The following L3MBTL4 variants were observed in gnomAD, a reference collection of about 807,000 sequenced individuals.
L3MBTL4 encodes L3MBTL histone methyl-lysine binding protein 4.
Under a neutral mutation model 84.5 loss-of-function variants are expected in L3MBTL4, and 70 were observed. That is an observed-to-expected ratio of 0.83 (90% CI 0.68 to 1.01). L3MBTL4 has a LOEUF of 1.01. L3MBTL4 is among the 50% of genes least tolerant of loss of function. The pLI is 0.00. For synonymous variants in L3MBTL4, 274 were observed against 259.8 expected, an observed-to-expected ratio of 1.05 and a Z score of -0.52; for missense variants, 715 against 754.8, an observed-to-expected ratio of 0.95 and a Z score of 0.62.
At chr18:6,154,702 T>C (rs2043031237) in intron 13 of L3MBTL4, among the ~76,000 whole-genome samples, 1 of 152,192 alleles carries the variant, frequency 6.6e-6, no homozygotes, top group Non-Finnish European at 1.5e-5. Flanking sequence ...TCCACTCTGG[T>C]GGGCTTACTG....
intron 18 of L3MBTL4, among the ~76,000 whole-genome samples, chr18:5,957,463 G>A (rs1315749227): frequency 2.0e-5 from 3 of 151,806 alleles, no homozygotes; most frequent in Non-Finnish European, 4.4e-5. Context: ...TGGCCACCGT[G>A]TAGGCTGCTT....
intron 1 of L3MBTL4, chr18:6,395,697 T>G (rs936555073): frequency 2.0e-5 from 3 of 152,178 alleles, no homozygotes; most frequent in African/African-American, 7.2e-5. Context: ...AATTAAACAC[T>G]GCAAAAATGG....
intron 16 of L3MBTL4, among the ~76,000 whole-genome samples, chr18:6,034,234 T>C (rs1345271578): frequency 6.6e-6 from 1 of 152,146 alleles, no homozygotes; most frequent in Admixed American, 6.6e-5. Context: ...GCCATGCTGG[T>C]GCGCTGCACC....
intron 16 of L3MBTL4, among the ~76,000 whole-genome samples, chr18:6,070,623 C>T (rs1380158072): frequency 6.6e-6 from 1 of 151,378 alleles, no homozygotes; most frequent in Non-Finnish European, 1.5e-5. Context: ...TTGAGAAAAG[C>T]CTGAGCAACA....
intron 14 of L3MBTL4, among the ~76,000 whole-genome samples, chr18:6,097,677 G>A (rs1290839468): frequency 6.6e-6 from 1 of 152,184 alleles, no homozygotes; most frequent in Non-Finnish European, 1.5e-5. Context: ...CCGGTCTGAT[G>A]TCTGTGCAAA....
chr18:6,252,320 A>G (rs1430826047), intron 5 of L3MBTL4, among the ~76,000 whole-genome samples: 1 of 152,206 alleles, frequency 6.6e-6, no homozygotes, highest in Non-Finnish European at 1.5e-5. Flanking sequence ...CTCAGAAAAA[A>G]GAAAAAAGCA....
intron 1 of L3MBTL4, among the ~76,000 whole-genome samples, chr18:6,332,707 G>C (rs578058005): frequency 1.3e-5 from 2 of 152,382 alleles, no homozygotes; most frequent in African/African-American, 4.8e-5. Flanking sequence ...GTGGAACCAA[G>C]TGTTGGGAGT....
chr18:6,229,601 A>G (rs1368748235), intron 10 of L3MBTL4, among the ~76,000 whole-genome samples: 1 of 152,158 alleles, frequency 6.6e-6, no homozygotes, highest in Non-Finnish European at 1.5e-5. Flanking sequence ...AAGAACTTCA[A>G]TAGTTTTAGT....
intron 17 of L3MBTL4, among the ~76,000 whole-genome samples, chr18:5,964,581 C>T (rs1483985555): frequency 6.6e-6 from 1 of 152,044 alleles, no homozygotes; most frequent in East Asian, 1.9e-4. Flanking sequence ...TTTTTCAAAT[C>T]ACCCCTTCCT....
At chr18:6,146,529 G>C (rs2042661863) in intron 13 of L3MBTL4, among the ~76,000 whole-genome samples, 1 of 152,250 alleles carries the variant, frequency 6.6e-6, no homozygotes, top group African/African-American at 2.4e-5. Context: ...TTCGCAAAGT[G>C]CCAGGCTGCC....
chr18:6,032,257 A>T lies in L3MBTL4; in HGVS notation c.1444+48624T>A, dbSNP rs111748585. ...CTCCCAAAGTGCTGGGATTACAGGC[A>T]TGAGCCACCGCACTCGGCCTTAAAT... On this transcript the variant is annotated intron_variant, in intron 16 of 18. Coordinates refer to ENST00000317931, the MANE Select transcript of L3MBTL4 (RefSeq NM_001330559.2). 3.7e-3 allele frequency: 3,465 copies of T among 937,760 alleles called. 99 individuals are homozygous for T. In the African/African-American group the frequency reaches 0.057, roughly 15 times the overall value. The allele number at this position is 937,760 out of a possible 1,614,324, so 58.1% of individuals were successfully genotyped here.
chr18:6,000,227 A>T (rs1326907951), intron 16 of L3MBTL4, among the ~76,000 whole-genome samples: 2 of 152,224 alleles, frequency 1.3e-5, no homozygotes, highest in Admixed American at 1.3e-4. Context: ...CACTGAGGAG[A>T]TGAAAGAGTG....
At chr18:5,981,845 C>T (rs2053235800) in intron 16 of L3MBTL4, among the ~76,000 whole-genome samples, 1 of 151,858 alleles carries the variant, frequency 6.6e-6, no homozygotes, top group South Asian at 2.1e-4. Flanking sequence ...TTCCAAGTCA[C>T]ACAAAAGCTA....
At chr18:6,117,271 T>C (rs988248896) in intron 14 of L3MBTL4, among the ~76,000 whole-genome samples, 2 of 152,190 alleles carry the variant, frequency 1.3e-5, no homozygotes, top group African/African-American at 4.8e-5. Context: ...CTTGGTTTTG[T>C]CCTGCCAGGA....
intron 16 of L3MBTL4, among the ~76,000 whole-genome samples, chr18:6,019,949 G>A (rs1422319001): frequency 6.6e-6 from 1 of 152,146 alleles, no homozygotes; most frequent in Non-Finnish European, 1.5e-5. Context: ...GTCCATCTCT[G>A]CGTTCCCAGG....
At chr18:6,174,618 C>A (rs2044137947) in intron 12 of L3MBTL4, among the ~76,000 whole-genome samples, 1 of 151,804 alleles carries the variant, frequency 6.6e-6, no homozygotes, top group Non-Finnish European at 1.5e-5. Flanking sequence ...ACCTATAATC[C>A]CAGCACTTTG....
At chr18:5,965,938 C>T (rs1306346789) in intron 17 of L3MBTL4, among the ~76,000 whole-genome samples, 1 of 152,204 alleles carries the variant, frequency 6.6e-6, no homozygotes, top group Non-Finnish European at 1.5e-5. Context: ...ATGCGAGGCA[C>T]TTAGACTTTC....
intron 4 of L3MBTL4, among the ~76,000 whole-genome samples, chr18:6,287,090 T>C (rs2049628346): frequency 6.6e-6 from 1 of 152,188 alleles, no homozygotes; most frequent in Non-Finnish European, 1.5e-5. Context: ...TAGTCAGTGC[T>C]TGCATTTTAA....
intron 16 of L3MBTL4, among the ~76,000 whole-genome samples, chr18:6,075,131 C>T (rs1401411423): frequency 6.6e-6 from 1 of 151,956 alleles, no homozygotes; most frequent in East Asian, 1.9e-4. Context: ...ACATTCAATG[C>T]AATTCTAATT....
Sources: allele counts gnomAD v4.1 joint callset (sites outside exome capture counted in the v4.1 genomes callset), GRCh38; gene constraint gnomAD v4.1.1; transcripts MANE v1.5; gene names NCBI Gene and HGNC (gene_info 2026-07-23, HGNC 2026-07-21).